IMPA2: variants seen among roughly 807,000 people sequenced by gnomAD.
IMPA2 encodes the protein IMP 2.
A neutral mutation model predicts 35.1 loss-of-function variants in IMPA2; 32 were observed. That is an observed-to-expected ratio of 0.91 (90% CI 0.69 to 1.23). The LOEUF is 1.23. Among genes scored for constraint, IMPA2 ranks in the 50% most tolerant of loss-of-function variants. The pLI is 0.00. For missense variants in IMPA2, 334 were observed against 387.6 expected, an observed-to-expected ratio of 0.86 and a Z score of 1.16; for synonymous variants, 135 against 160.6, an observed-to-expected ratio of 0.84 and a Z score of 1.20.
At chr18:12,003,864 T>C (rs6505705) in intron 2 of IMPA2, among the ~76,000 whole-genome samples, 63,309 of 151,868 alleles carry the variant, frequency 0.42, 15,547 homozygotes, top group African/African-American at 0.66. Context: ...GTAGCATCCC[T>C]GAGCTATAGT....
intron 1 of IMPA2, among the ~76,000 whole-genome samples, 196 bp downstream of exon 1, chr18:11,981,961 C>T (rs1048196662): frequency 2.0e-4 from 30 of 152,026 alleles, no homozygotes; most frequent in Non-Finnish European, 3.4e-4. Flanking sequence ...TTCTCCAACT[C>T]CCGGAGCCCT....
Position 12,028,902 on chromosome 18 carries a change from T to C in IMPA2, c.660T>C (p.Asp220=). 1 of 1,614,180 alleles carries C rather than the reference T, an allele frequency of 6.2e-7. No individual in the cohort carries two copies. The highest frequency in any genetic ancestry group is 1.1e-5 in the South Asian group (1 of 91,086). ...GCCACCTGGCCTCAGGGGCCGCGGA[T>C]GCCTATTACCAGTTTGGCCTGCACT... ...ALCHLASGAA[D]AYYQFGLHCW... Residue 220 remains aspartate (D), a synonymous_variant, in exon 7 of 8, where the codon GAT becomes GAC. Coordinates refer to ENST00000269159, the MANE Select transcript of IMPA2 (RefSeq NM_014214.3).
intron 1 of IMPA2, chr18:11,993,942 C>T (rs1327333506): frequency 1.3e-5 from 2 of 152,260 alleles, no homozygotes; most frequent in Non-Finnish European, 2.9e-5. Context: ...AGGCTGGCCA[C>T]AGGGTCACCT....
At chr18:12,013,780 G>T (rs1225161970) in intron 4 of IMPA2, among the ~76,000 whole-genome samples, 1 of 152,210 alleles carries the variant, frequency 6.6e-6, no homozygotes, top group African/African-American at 2.4e-5. Flanking sequence ...TCAGTCCCCA[G>T]TCTGCGGCGG....
chr18:12,007,642 TC>T (rs1486311210), intron 2 of IMPA2, among the ~76,000 whole-genome samples: 2 of 98,852 alleles, frequency 2.0e-5, no homozygotes, highest in African/African-American at 1.2e-4. Flanking sequence ...TTTCTTTCTT[TC>T]TTTCTTTCTT....
chr18:11,987,933 G>A (rs1906710182), intron 1 of IMPA2, among the ~76,000 whole-genome samples: 1 of 150,426 alleles, frequency 6.6e-6, no homozygotes, highest in African/African-American at 2.4e-5. Context: ...GCTTGAGTTG[G>A]TATTTTATTG....
At chr18:12,012,556 C>T (rs1907465308) in intron 4 of IMPA2, among the ~76,000 whole-genome samples, 1 of 152,170 alleles carries the variant, frequency 6.6e-6, no homozygotes, top group Admixed American at 6.5e-5. Flanking sequence ...ATCTCACAAA[C>T]TAAAAGGAGC....
In IMPA2 at chr18:11,982,973, T is replaced by C. The variant is rs150509333; in HGVS notation, c.96+1208T>C. On this transcript the variant is annotated intron_variant, in intron 1 of 7. Coordinates refer to ENST00000269159, the MANE Select transcript of IMPA2 (RefSeq NM_014214.3). ...ACTGTTATCAATCTTAAATTTGAAG[T>C]GAGTCGTCATAAAGTGGATAGTGCT... 3.4e-4 allele frequency among the ~76,000 whole-genome samples: 52 copies of C among 152,300 alleles called. No homozygotes were observed. The East Asian group carries it at 9.8e-3, about 29-fold the overall frequency.
intron 4 of IMPA2, among the ~76,000 whole-genome samples, chr18:12,013,026 T>C (rs1437921178): frequency 6.6e-6 from 1 of 152,236 alleles, no homozygotes; most frequent in African/African-American, 2.4e-5. Flanking sequence ...GATTGACGTC[T>C]TTCTCTGTTA....
At chr18:11,984,682 CTG>C (rs1184926901) in intron 1 of IMPA2, among the ~76,000 whole-genome samples, 4 of 151,690 alleles carry the variant, frequency 2.6e-5, no homozygotes, top group South Asian at 4.1e-4. Flanking sequence ...AATACAAAAA[CTG>C]TGGCCGGGCG....
chr18:11,993,537 C>G (rs946870222), intron 1 of IMPA2, among the ~76,000 whole-genome samples: 1 of 152,176 alleles, frequency 6.6e-6, no homozygotes, highest in Non-Finnish European at 1.5e-5. Flanking sequence ...GAGGGTAGTT[C>G]CTGGAGCTAC....
At chr18:11,984,301 T>C (rs1906592999) in intron 1 of IMPA2, among the ~76,000 whole-genome samples, 1 of 152,202 alleles carries the variant, frequency 6.6e-6, no homozygotes, top group Admixed American at 6.5e-5. Flanking sequence ...CCTGCCCTCC[T>C]AGTTCCAGCC....
chr18:11,997,065 C>T (rs961605799), intron 1 of IMPA2, among the ~76,000 whole-genome samples: 1 of 152,060 alleles, frequency 6.6e-6, no homozygotes. Flanking sequence ...ACCACATGAA[C>T]ACACACTTAC....
At position 12,026,710 on chromosome 18, in the gene IMPA2, CCTGT is replaced by C. The variant is rs562199807; in HGVS notation, c.491-1329_491-1326del. On this transcript the variant is annotated intron_variant, in intron 5 of 7. Transcript: ENST00000269159. ...GTAAGGAATGGAAGGGTTGCTGGAG[CCTGT>C]CTGCAGATCCTGTGTGGATTAGGGA... Among the ~76,000 whole-genome samples the C allele has an allele frequency of 2.0e-4, 31 of 152,264 alleles. No individual in the cohort carries two copies. In the East Asian group the frequency reaches 5.6e-3, roughly 28 times the overall value.
At chr18:12,021,568 G>A (rs1907731351) in intron 5 of IMPA2, 1 of 152,124 alleles carries the variant, frequency 6.6e-6, no homozygotes, top group Non-Finnish European at 1.5e-5. Flanking sequence ...ACCCAGCCTG[G>A]AGTGCAGTGG....
chr18:11,981,963 C>T (rs888378783), intron 1 of IMPA2, among the ~76,000 whole-genome samples, 198 bp downstream of exon 1: 3 of 151,958 alleles, frequency 2.0e-5, no homozygotes, highest in African/African-American at 7.2e-5. Context: ...CTCCAACTCC[C>T]GGAGCCCTGG....
At chr18:11,996,681 C>T (rs1906967054) in intron 1 of IMPA2, among the ~76,000 whole-genome samples, 1 of 152,166 alleles carries the variant, frequency 6.6e-6, no homozygotes. Flanking sequence ...CACCATAGAG[C>T]TTACCAGAAA....
In IMPA2 at chr18:12,028,663, A is replaced by C. The variant is rs1195856267; in HGVS notation, c.600-179A>C. 3.5e-5 allele frequency: 24 copies of C among 690,810 alleles called. No homozygotes were observed. In the East Asian group the frequency reaches 6.3e-4, roughly 18 times the overall value. The allele number at this position is 690,810 out of a possible 1,614,324, so 42.8% of individuals were successfully genotyped here. On this transcript the variant is annotated intron_variant, in intron 6 of 7. Transcript: ENST00000269159. ...GGCACAAGGCATTTGCGTCTGGCGG[A>C]GGCCTGTTGGTTGGTGGCTCCAGGC... is the stretch of plus-strand genomic sequence containing the variant.
At chr18:11,982,793 C>CAA (rs11354219) in intron 1 of IMPA2, among the ~76,000 whole-genome samples, 6 of 111,716 alleles carry the variant, frequency 5.4e-5, no homozygotes, top group Non-Finnish European at 6.3e-5. Flanking sequence ...AACTCCGTCT[C>CAA]AAAAAAAAAA....
Sources: gnomAD v4.1 joint callset for allele counts (sites outside exome capture counted in the v4.1 genomes callset) on GRCh38, gnomAD v4.1.1 for gene constraint, MANE v1.5 for transcripts, NCBI Gene and HGNC (gene_info 2026-07-23, HGNC 2026-07-21) for gene names.